Variants in ERP44 observed in about 807,000 individuals in gnomAD.
ERP44 encodes endoplasmic reticulum protein 44, also known as endoplasmic reticulum resident protein 44.
Under a neutral mutation model 53.4 loss-of-function variants are expected in ERP44, and 25 were observed. The observed-to-expected ratio is 0.47, with a 90% confidence interval of 0.34 to 0.65. The LOEUF is 0.65. ERP44 is among the 30% of genes least tolerant of loss of function. The pLI, the probability that ERP44 is intolerant of heterozygous loss-of-function variation, is 0.01. For synonymous variants in ERP44, 145 were observed against 161.2 expected (o/e 0.90, Z 0.76); for missense variants, 338 against 493.2 (o/e 0.69, Z 2.98).
chr9:100,030,824 G>T (rs1389337860), intron 4 of ERP44, among the ~76,000 whole-genome samples: 3 of 152,142 alleles, frequency 2.0e-5, no homozygotes, highest in East Asian at 3.9e-4. Flanking sequence ...GAGTGTCACT[G>T]CAATAAGTAG....
chr9:100,019,078 G>A (rs1830556297), intron 6 of ERP44, among the ~76,000 whole-genome samples: 1 of 152,056 alleles, frequency 6.6e-6, no homozygotes, highest in African/African-American at 2.4e-5. Context: ...TATCTTTGGT[G>A]GTTACAAAAA....
At chr9:100,078,575 G>A (rs1391323703) in intron 1 of ERP44, among the ~76,000 whole-genome samples, 1 of 151,712 alleles carries the variant, frequency 6.6e-6, no homozygotes, top group Non-Finnish European at 1.5e-5. Flanking sequence ...GCCAACATAG[G>A]GAAACCCTGT....
intron 4 of ERP44, among the ~76,000 whole-genome samples, chr9:100,029,993 C>T (rs1346334783): frequency 2.0e-5 from 3 of 152,020 alleles, no homozygotes; most frequent in African/African-American, 7.2e-5. Flanking sequence ...GAGGCTGAGG[C>T]GGGAGAATCA....
intron 1 of ERP44, among the ~76,000 whole-genome samples, chr9:100,086,512 A>C (rs1389540712): frequency 6.6e-6 from 1 of 152,218 alleles, no homozygotes; most frequent in Non-Finnish European, 1.5e-5. Context: ...CCATTCACTT[A>C]ACAACATTTC....
At chr9:100,045,168 A>G (rs1441204906) in intron 4 of ERP44, among the ~76,000 whole-genome samples, 1 of 152,190 alleles carries the variant, frequency 6.6e-6, no homozygotes, top group Non-Finnish European at 1.5e-5. Flanking sequence ...CTCCTACCTC[A>G]GAAACTTCAC....
rs766345245 is a variant in ERP44 at position 100,022,096 on chromosome 9, T to C, written c.417A>G (p.Gln139=). The C allele has an allele frequency of 6.2e-7, 1 of 1,613,966 alleles. No homozygotes were observed. The highest frequency in any genetic ancestry group is 2.2e-5 in the East Asian group (1 of 44,854). The change falls in exon 5 of 12, where the codon CAA becomes CAG. Residue 139 remains glutamine, a synonymous_variant. Coordinates refer to ENST00000262455, the MANE Select transcript of ERP44 (RefSeq NM_015051.3). Reference sequence around the variant, plus strand: ...GAATTTCTTGAATGGGGTCACTTTTTTGTTGCCTGATGTAATCTGCCAATG... The same window carrying C: ...GAATTTCTTGAATGGGGTCACTTTTCTGTTGCCTGATGTAATCTGCCAATG... The part of the protein sequence containing the change: ...VKALADYIRQ[Q]KSDPIQEIRD...
intron 4 of ERP44, among the ~76,000 whole-genome samples, chr9:100,036,042 G>T (rs1001693656): frequency 6.6e-6 from 1 of 152,162 alleles, no homozygotes; most frequent in African/African-American, 2.4e-5. Flanking sequence ...TCCCATTACT[G>T]GGGATATACC....
At chr9:100,054,469 C>G (rs41346545) in intron 3 of ERP44, among the ~76,000 whole-genome samples, 3 of 151,948 alleles carry the variant, frequency 2.0e-5, no homozygotes, top group Non-Finnish European at 4.4e-5. Context: ...TCTAGATTGT[C>G]CAGTTTGCCA....
Position 99,982,639 on chromosome 9 carries a change from A to C in ERP44, c.1194T>G (p.Thr398=), listed in dbSNP as rs561296500. ...AAAGCTCATCTCGATCCCTCAATAG[A>C]GTATACCTATATTCACTGGGTGCTA... is the stretch of plus-strand genomic sequence containing the variant. ...QKLAPSEYRY[T]LLRDRDEL The change falls in exon 12 of 12, where the codon ACT becomes ACG. Residue 398 remains threonine (T), a synonymous_variant. Transcript: ENST00000262455. 104 of 1,605,114 alleles carry C rather than the reference A, an allele frequency of 6.5e-5. No homozygotes were observed. Among genetic ancestry groups the C allele is most frequent in the Non-Finnish European group, 8.3e-5 (98 of 1,176,912 alleles).
At chr9:100,080,337 C>T (rs1178938256) in intron 1 of ERP44, among the ~76,000 whole-genome samples, 1 of 152,086 alleles carries the variant, frequency 6.6e-6, no homozygotes, top group Non-Finnish European at 1.5e-5. Flanking sequence ...ACCTTTAGGA[C>T]TGAACATCTG....
intron 1 of ERP44, 131 bp downstream of exon 1, chr9:100,098,652 CG>C: frequency 1.5e-6 from 1 of 686,284 alleles, no homozygotes; most frequent in Non-Finnish European, 2.4e-6. Flanking sequence ...GTGAGGGCAG[CG>C]GGGGAGGGTG....
chr9:99,994,305 T>C (rs1830286942), intron 10 of ERP44, among the ~76,000 whole-genome samples: 1 of 152,152 alleles, frequency 6.6e-6, no homozygotes, highest in South Asian at 2.1e-4. Context: ...ATATACACCG[T>C]GGAATACTAT....
chr9:100,039,895 T>C (rs570084236), intron 4 of ERP44, among the ~76,000 whole-genome samples: 1 of 152,152 alleles, frequency 6.6e-6, no homozygotes, highest in African/African-American at 2.4e-5. Context: ...TGTGCAACTA[T>C]TTGCCAATAA....
intron 10 of ERP44, among the ~76,000 whole-genome samples, chr9:99,993,078 G>T (rs547844414): frequency 1.3e-5 from 2 of 152,130 alleles, no homozygotes; most frequent in Non-Finnish European, 2.9e-5. Flanking sequence ...CATAAAAATG[G>T]CCATACTGCC....
chr9:100,058,055 GCTTTAT>G (rs1170275709), intron 2 of ERP44, among the ~76,000 whole-genome samples, 196 bp from the exon 3 acceptor site: 2 of 152,062 alleles, frequency 1.3e-5, no homozygotes, highest in South Asian at 2.1e-4. Context: ...TTCTCTGTAT[GCTTTAT>G]CTTTATAAGT....
chr9:100,028,886 A>C (rs1299018326), intron 4 of ERP44, among the ~76,000 whole-genome samples: 1 of 152,242 alleles, frequency 6.6e-6, no homozygotes, highest in African/African-American at 2.4e-5. Context: ...GTTTCAGAAT[A>C]ACTTGAACAA....
chr9:99,999,940 G>A (rs1020454793), intron 10 of ERP44, among the ~76,000 whole-genome samples: 2 of 152,128 alleles, frequency 1.3e-5, no homozygotes, highest in African/African-American at 4.8e-5. Flanking sequence ...TTATTGAAGA[G>A]ACTCTCTTTT....
intron 6 of ERP44, among the ~76,000 whole-genome samples, chr9:100,019,125 T>C (rs1315460849): frequency 1.3e-5 from 2 of 152,196 alleles, no homozygotes; most frequent in East Asian, 1.9e-4. Flanking sequence ...AAGTAAAGAA[T>C]GACAAATTAA....
chr9:100,029,662 T>TA (rs1462043837), intron 4 of ERP44, among the ~76,000 whole-genome samples: 8 of 152,352 alleles, frequency 5.3e-5, no homozygotes, highest in Middle Eastern at 3.4e-3. Flanking sequence ...GCAATTCCAT[T>TA]ACTGTGTATT....
Sources: gnomAD v4.1 joint callset for allele counts (sites outside exome capture counted in the v4.1 genomes callset) on GRCh38, gnomAD v4.1.1 for gene constraint, MANE v1.5 for transcripts, NCBI Gene and HGNC (gene_info 2026-07-23, HGNC 2026-07-21) for gene names.